Variants in UBE2E2 observed in about 807,000 individuals in gnomAD.
UBE2E2 encodes the protein ubiquitin conjugating enzyme E2 E2.
Under a neutral mutation model 24.7 loss-of-function variants are expected in UBE2E2, and 6 were observed. The ratio of observed to expected loss-of-function variants is 0.24; its 90% confidence interval spans 0.13 to 0.48. The LOEUF is 0.48. Ranked by LOEUF, UBE2E2 falls within the 20% of genes least tolerant of loss-of-function variation. The pLI, the probability that UBE2E2 is intolerant of heterozygous loss-of-function variation, is 0.99. For synonymous variants in UBE2E2, 104 were observed against 83.6 expected, an observed-to-expected ratio of 1.24 and a Z score of -1.33; for missense variants, 169 against 245.0, an observed-to-expected ratio of 0.69 and a Z score of 2.07.
chr3:23,288,764 T>TAAAAAA (rs914362751), intron 3 of UBE2E2, among the ~76,000 whole-genome samples: 1 of 145,614 alleles, frequency 6.9e-6, no homozygotes, highest in Non-Finnish European at 1.5e-5. Flanking sequence ...TCTTACAATG[T>TAAAAAA]AAAAAAAAAA....
At chr3:23,447,008 T>C (rs34322396) in intron 3 of UBE2E2, among the ~76,000 whole-genome samples, 10,938 of 152,216 alleles carry the variant, frequency 0.072, 516 homozygotes, top group Non-Finnish European at 0.088. Context: ...ACATGCTGTT[T>C]CCTCTGCCTG....
Position 23,407,795 on chromosome 3 carries a change from TA to T in UBE2E2, c.228-91812del, listed in dbSNP as rs1697400994. Among the ~76,000 whole-genome samples, 1 of 152,040 alleles carries T rather than the reference TA, an allele frequency of 6.6e-6. No homozygotes were observed. Among genetic ancestry groups the T allele is most frequent in the Non-Finnish European group, 1.5e-5 (1 of 67,986 alleles). On this transcript the variant is annotated intron_variant, in intron 3 of 5. Transcript: ENST00000396703. The surrounding 1 kb of genome is among the most constrained non-coding windows in gnomAD (Gnocchi z 4.0). Reference sequence around the variant, plus strand: ...GAGGTCTGTTACCTCTGCCTCTGCTTACCCTTCTGGGAAATAGTTACCAATA... The same window carrying T: ...GAGGTCTGTTACCTCTGCCTCTGCTTCCCTTCTGGGAAATAGTTACCAATA...
intron 3 of UBE2E2, among the ~76,000 whole-genome samples, chr3:23,479,432 C>A (rs1699206906): frequency 6.6e-6 from 1 of 152,088 alleles, no homozygotes; most frequent in Admixed American, 6.5e-5. Flanking sequence ...AGCAGAGCCT[C>A]AAAAAGGATG....
intron 3 of UBE2E2, among the ~76,000 whole-genome samples, chr3:23,376,844 G>T (rs577155214): frequency 1.3e-5 from 2 of 152,302 alleles, no homozygotes; most frequent in Admixed American, 1.3e-4. Context: ...AGTAGTTGAG[G>T]TCAGCAACTC....
chr3:23,221,310 G>C (rs528077807), intron 3 of UBE2E2, among the ~76,000 whole-genome samples: 1 of 152,264 alleles, frequency 6.6e-6, no homozygotes, highest in Admixed American at 6.5e-5. Flanking sequence ...CAGCTTTATT[G>C]AGATATAAAG....
intron 3 of UBE2E2, among the ~76,000 whole-genome samples, chr3:23,444,465 T>G (rs1255017104): frequency 6.6e-6 from 1 of 152,200 alleles, no homozygotes; most frequent in African/African-American, 2.4e-5. Flanking sequence ...TAACCCCATC[T>G]GGAAGTCAGA....
At chr3:23,361,382 T>C (rs200400560) in intron 3 of UBE2E2, among the ~76,000 whole-genome samples, 1 of 122,336 alleles carries the variant, frequency 8.2e-6, no homozygotes. Flanking sequence ...TGCACACACA[T>C]GTTTATAGTA....
At chr3:23,425,533 G>A (rs1003255077) in intron 3 of UBE2E2, among the ~76,000 whole-genome samples, 10 of 152,176 alleles carry the variant, frequency 6.6e-5, no homozygotes, top group Middle Eastern at 3.2e-3. Flanking sequence ...TCTTAGATCT[G>A]TTATAGAAGC....
At chr3:23,218,041 T>G (rs1253911484) in intron 3 of UBE2E2, among the ~76,000 whole-genome samples, 1 of 152,108 alleles carries the variant, frequency 6.6e-6, no homozygotes, top group Non-Finnish European at 1.5e-5. Flanking sequence ...GAGATCAGCA[T>G]TGGAACCAGG....
Position 23,404,773 on chromosome 3 carries a change from A to C in UBE2E2, c.228-94835A>C, listed in dbSNP as rs915153893. Among the ~76,000 whole-genome samples the C allele has an allele frequency of 2.6e-5, 4 of 152,186 alleles. No homozygotes were observed. In the South Asian group the frequency reaches 6.2e-4, roughly 24 times the overall value. On this transcript the variant is annotated intron_variant, in intron 3 of 5. Coordinates refer to ENST00000396703, the MANE Select transcript of UBE2E2 (RefSeq NM_152653.4). Reference sequence around the variant, plus strand: ...GTAGCGTTTAAATATTTGCCAATGTATGTCTGTCTGTACTTAATACTCCTA... The same window carrying C: ...GTAGCGTTTAAATATTTGCCAATGTCTGTCTGTCTGTACTTAATACTCCTA...
chr3:23,588,641 CTGT>C (rs1696686547), intron 5 of UBE2E2, among the ~76,000 whole-genome samples: 1 of 152,026 alleles, frequency 6.6e-6, no homozygotes, highest in African/African-American at 2.4e-5. Flanking sequence ...TCCCAGCACC[CTGT>C]TAAGTTAAGC....
intron 3 of UBE2E2, among the ~76,000 whole-genome samples, chr3:23,433,953 A>G (rs1250704461): frequency 1.3e-5 from 2 of 152,092 alleles, no homozygotes; most frequent in African/African-American, 4.8e-5. Flanking sequence ...ATTTAAAATA[A>G]ATCCTCAATA....
At position 23,474,316 on chromosome 3, in the gene UBE2E2, A is replaced by G. The variant is rs1210981398; in HGVS notation, c.228-25292A>G. ...TTTGTCAGATGTATAGATTTTGAAG[A>G]TTTTTCCCACTCTGTGGGTTATCTG... is the stretch of plus-strand genomic sequence containing the variant. On this transcript the variant is annotated intron_variant, in intron 3 of 5. Coordinates refer to ENST00000396703, the MANE Select transcript of UBE2E2 (RefSeq NM_152653.4). This position sits in a 1 kb window ranked among gnomAD's most constrained non-coding sequence, Gnocchi z 4.0. Among the ~76,000 whole-genome samples, 1 of 151,886 alleles carries G rather than the reference A, an allele frequency of 6.6e-6. No homozygotes were observed. Among genetic ancestry groups the G allele is most frequent in the Non-Finnish European group, 1.5e-5 (1 of 68,004 alleles).
At chr3:23,260,315 G>T (rs1697861348) in intron 3 of UBE2E2, among the ~76,000 whole-genome samples, 2 of 152,050 alleles carry the variant, frequency 1.3e-5, no homozygotes, top group African/African-American at 4.8e-5. Flanking sequence ...GTGCCAAATT[G>T]TACTTGAATT....
chr3:23,316,442 T>G (rs928308590), intron 3 of UBE2E2, among the ~76,000 whole-genome samples: 3 of 151,920 alleles, frequency 2.0e-5, no homozygotes, highest in African/African-American at 7.2e-5. Flanking sequence ...AGTGCTCACC[T>G]AAGGCCAAGG....
chr3:23,441,538 C>CA (rs147766521), intron 3 of UBE2E2, among the ~76,000 whole-genome samples: 18,924 of 95,660 alleles, frequency 0.2, 2,191 homozygotes, highest in South Asian at 0.31. Context: ...GACTCCGTCT[C>CA]AAAAAAAAAA....
At chr3:23,379,394 CT>C in intron 3 of UBE2E2, among the ~76,000 whole-genome samples, 1 of 137,732 alleles carries the variant, frequency 7.3e-6, no homozygotes, top group Admixed American at 7.3e-5. Flanking sequence ...TCCCTCCCCC[CT>C]CCCCCGACCC....
chr3:23,579,904 T>G (rs548671271), intron 5 of UBE2E2, among the ~76,000 whole-genome samples: 1 of 152,176 alleles, frequency 6.6e-6, no homozygotes, highest in Non-Finnish European at 1.5e-5. Context: ...ATTCCAACTC[T>G]CGTGGATGAT....
intron 4 of UBE2E2, among the ~76,000 whole-genome samples, chr3:23,520,960 C>T (rs924034596): frequency 2.0e-4 from 31 of 152,010 alleles, no homozygotes; most frequent in African/African-American, 7.0e-4. Context: ...TTTTTTATAT[C>T]ATGTTTAAAT....
Sources: gnomAD v4.1 joint callset for allele counts (sites outside exome capture counted in the v4.1 genomes callset) on GRCh38, gnomAD v4.1.1 for gene constraint, Gnocchi (gnomAD v3.1) non-coding constraint, MANE v1.5 for transcripts, NCBI Gene and HGNC (gene_info 2026-07-23, HGNC 2026-07-21) for gene names.